TMEM8B: variants seen among roughly 807,000 people sequenced by gnomAD.
TMEM8B encodes the protein transmembrane protein 8B.
A neutral mutation model predicts 49.3 loss-of-function variants in TMEM8B; 29 were observed. That is an observed-to-expected ratio of 0.59 (90% confidence interval 0.44 to 0.80). The LOEUF (loss-of-function observed/expected upper bound fraction) is 0.80, where lower values mean the gene tolerates loss of function less well. Among genes scored for constraint, TMEM8B ranks in the 30% least tolerant of loss-of-function variants. The pLI is 0.00. For synonymous variants in TMEM8B, 264 were observed against 272.8 expected (o/e 0.97, Z 0.32); for missense variants, 575 against 658.5 (o/e 0.87, Z 1.39).
Position 35,842,754 on chromosome 9 carries a change from G to A in TMEM8B, c.1635+37G>A. On this transcript the variant is annotated intron_variant, in intron 6 of 12. Transcript: ENST00000643932. The surrounding 1 kb of genome is among the most constrained non-coding windows in gnomAD (Gnocchi z 5.6). ...GGAGAGTGGGGAGGTTGCTCTGCCA[G>A]GGAGCTTGAAGGGGAAGGTGTCAGG... 6.4e-7 allele frequency: 1 copy of A among 1,568,922 alleles called. No homozygotes were observed. The highest frequency in any genetic ancestry group is 8.7e-7 in the Non-Finnish European group (1 of 1,154,772).
intron 10 of TMEM8B, among the ~76,000 whole-genome samples, chr9:35,847,816 T>C (rs1046483886): frequency 1.3e-5 from 2 of 152,218 alleles, no homozygotes; most frequent in African/African-American, 4.8e-5. Flanking sequence ...AAGTTCATTA[T>C]AAGCAAGCGT....
chr9:35,848,052 G>A (rs142911558), intron 10 of TMEM8B, among the ~76,000 whole-genome samples: 1 of 152,266 alleles, frequency 6.6e-6, no homozygotes, highest in Non-Finnish European at 1.5e-5. Context: ...GGCCTTCCTG[G>A]CATCCTGCAT....
intron 6 of TMEM8B, chr9:35,845,262 C>A: frequency 2.6e-6 from 1 of 378,906 alleles, no homozygotes. Context: ...AAGGCAGTAT[C>A]AAATATATGG....
Position 35,857,042 on chromosome 9 carries a change from G to T in TMEM8B, c.*3202G>T, listed in dbSNP as rs1388412018. On this transcript the variant is annotated 3_prime_UTR_variant, in exon 13 of 13. Coordinates refer to ENST00000643932, the MANE Select transcript of TMEM8B (RefSeq NM_001042590.4). ...CCTTCCTTGCCTTGAATACAGGGCT[G>T]TGGCTGGCAGATATTGCTGTACCCT... 1 of 152,290 alleles carries T rather than the reference G, an allele frequency of 6.6e-6. No individual in the cohort carries two copies. Among genetic ancestry groups the T allele is most frequent in the Non-Finnish European group, 1.5e-5 (1 of 68,064 alleles). 9.4% of individuals were successfully genotyped at this position (152,290 alleles called of 1,614,324 possible). A position where few individuals can be genotyped will look rare whatever the true frequency, so the allele number is the denominator to read the frequency against.
Position 35,829,871 on chromosome 9 carries a change from TCC to T in TMEM8B, c.426_427del (p.Gln143AlafsTer2). ...VPPISHTLPL[S>X]QPRLKSGFQL... Reference sequence around the variant, plus strand: ...CCCTATCTCTCATACTCTGCCCCTCTCCCAGCCTAGACTCAAGTCTGGGTTTC... The same window carrying T: ...CCCTATCTCTCATACTCTGCCCCTCTCAGCCTAGACTCAAGTCTGGGTTTC... On this transcript the variant is annotated frameshift_variant, in exon 1 of 13. Transcript: ENST00000643932. LOFTEE classifies it high-confidence loss of function. 1 of 416,234 alleles carries T rather than the reference TCC, an allele frequency of 2.4e-6. No individual in the cohort carries two copies. Among genetic ancestry groups the T allele is most frequent in the Non-Finnish European group, 4.4e-6 (1 of 226,760 alleles). The allele number at this position is 416,234 out of a possible 1,614,324, so 25.8% of individuals were successfully genotyped here.
chr9:35,832,074 A>C (rs1829954839), intron 1 of TMEM8B, among the ~76,000 whole-genome samples: 1 of 152,074 alleles, frequency 6.6e-6, no homozygotes, highest in Non-Finnish European at 1.5e-5. Flanking sequence ...TTGAGGACTC[A>C]CACGTGCCTT....
chr9:35,834,110 G>A (rs1014138981), intron 1 of TMEM8B, among the ~76,000 whole-genome samples: 1 of 151,500 alleles, frequency 6.6e-6, no homozygotes, highest in African/African-American at 2.4e-5. Context: ...GGTAAGTGGA[G>A]AAAATGGCTC....
rs374577537 is a variant in TMEM8B at position 35,846,545 on chromosome 9, C to A, written c.1930C>A (p.Pro644Thr). 1.9e-6 allele frequency: 3 copies of A among 1,578,720 alleles called. No individual in the cohort carries two copies. Among genetic ancestry groups the A allele is most frequent in the Non-Finnish European group, 1.7e-6 (2 of 1,162,310 alleles). The stretch of plus-strand genomic sequence containing the variant: ...GTCCCCATGCGTGGACGACTGCGGG[C>A]CCTACGGCCAGTGCAAGCTGCTGCG... ...FLSPCVDDCG[P>T]YGQCKLLRTH... The change falls in exon 9 of 13, where the codon CCC becomes ACC. Residue 644 changes from proline to threonine, a missense_variant. Transcript: ENST00000643932.
At chr9:35,850,137 A>C (rs1214935908) in intron 10 of TMEM8B, among the ~76,000 whole-genome samples, 1 of 152,238 alleles carries the variant, frequency 6.6e-6, no homozygotes, top group Non-Finnish European at 1.5e-5. Context: ...GTTCCATTAT[A>C]TTCCAATCTG....
At chr9:35,844,981 T>C (rs1199189536) in intron 6 of TMEM8B, among the ~76,000 whole-genome samples, 2 of 152,250 alleles carry the variant, frequency 1.3e-5, no homozygotes, top group Non-Finnish European at 2.9e-5. Context: ...ACTTTTTTCT[T>C]TGGCTCCCTC....
Position 35,864,023 on chromosome 9 carries a change from C to CT in TMEM8B, c.*10183_*10184insT, listed in dbSNP as rs1832692405. 1 of 152,252 alleles carries CT rather than the reference C, an allele frequency of 6.6e-6. No individual in the cohort carries two copies. Among genetic ancestry groups the CT allele is most frequent in the Non-Finnish European group, 1.5e-5 (1 of 68,076 alleles). 9.4% of individuals were successfully genotyped at this position (152,252 alleles called of 1,614,324 possible). On this transcript the variant is annotated 3_prime_UTR_variant, in exon 13 of 13. Coordinates refer to ENST00000643932, the MANE Select transcript of TMEM8B (RefSeq NM_001042590.4). ...GAAAATAGCTGCCTGGTTTCACTCC[C>CT]CGGTTTTACGCCTCTTGAGAAGCAG...
In TMEM8B at chr9:35,846,336, G is replaced by C; in HGVS notation, c.1808G>C (p.Gly603Ala). 1 of 1,614,186 alleles carries C rather than the reference G, an allele frequency of 6.2e-7. No individual in the cohort carries two copies. The highest frequency in any genetic ancestry group is 8.5e-7 in the Non-Finnish European group (1 of 1,180,044). ...CTGCGAATCCCATTCCCGCAGACGGGGACCTGGTTCCTGGCCCTCCGCTCC... is the reference window on the plus strand; with the variant it reads ...CTGCGAATCCCATTCCCGCAGACGGCGACCTGGTTCCTGGCCCTCCGCTCC... ...ARLRIPFPQT[G>A]TWFLALRSLC... Residue 603 changes from glycine to alanine, a missense_variant, in exon 8 of 13, where the codon GGG (glycine) becomes GCG (alanine). Gly to Ala is a moderately conservative substitution (Grantham distance 60, BLOSUM62 0). Coordinates refer to ENST00000643932, the MANE Select transcript of TMEM8B (RefSeq NM_001042590.4).
chr9:35,830,106 G>A (rs1829705001), intron 1 of TMEM8B, among the ~76,000 whole-genome samples, 151 bp downstream of exon 1: 2 of 152,218 alleles, frequency 1.3e-5, no homozygotes, highest in South Asian at 4.1e-4. Context: ...TACACAACAG[G>A]GATTGGCAGG....
intron 3 of TMEM8B, among the ~76,000 whole-genome samples, chr9:35,835,816 C>G (rs74742851): frequency 0.022 from 3,397 of 152,316 alleles, 136 homozygotes; most frequent in African/African-American, 0.078. Context: ...TCAGCCACCC[C>G]AAGCACTTAT....
chr9:35,847,095 G>C (rs761938854), intron 10 of TMEM8B, 100 bp downstream of exon 10: 5 of 1,614,256 alleles, frequency 3.1e-6, no homozygotes, highest in Non-Finnish European at 4.2e-6. Context: ...GGGAATGTCT[G>C]TGCCTTCACT....
intron 1 of TMEM8B, among the ~76,000 whole-genome samples, chr9:35,832,233 G>A (rs565630853): frequency 3.4e-4 from 52 of 151,044 alleles, no homozygotes; most frequent in Non-Finnish European, 6.6e-4. Context: ...GGTGATGGTC[G>A]GAATTACCCT....
chr9:35,838,393 C>G (rs1248376826), intron 3 of TMEM8B, among the ~76,000 whole-genome samples: 1 of 151,932 alleles, frequency 6.6e-6, no homozygotes. Context: ...TTCCCACTGC[C>G]CACTCCTCTG....
rs950987543 is a variant in TMEM8B, at chr9:35,855,343, C to T, written c.*1503C>T. ...CATCCTCTCCTCCTCTCTCTTCTTT[C>T]CCCCTTTCGTTAATATTGGAGGTGA... On this transcript the variant is annotated 3_prime_UTR_variant, in exon 13 of 13. Coordinates refer to ENST00000643932, the MANE Select transcript of TMEM8B (RefSeq NM_001042590.4). 6.6e-6 allele frequency: 1 copy of T among 152,174 alleles called. No individual in the cohort carries two copies. The highest frequency in any genetic ancestry group is 1.5e-5 in the Non-Finnish European group (1 of 68,062). The allele number at this position is 152,174 out of a possible 1,614,324, so 9.4% of individuals were successfully genotyped here.
At chr9:35,849,005 G>A (rs941818411) in intron 10 of TMEM8B, among the ~76,000 whole-genome samples, 1 of 152,088 alleles carries the variant, frequency 6.6e-6, no homozygotes, top group East Asian at 1.9e-4. Flanking sequence ...AAGGCAATAA[G>A]GAAAAGCTAC....
Sources: gnomAD v4.1 joint callset for allele counts (sites outside exome capture counted in the v4.1 genomes callset) on GRCh38, gnomAD v4.1.1 for gene constraint, Gnocchi (gnomAD v3.1) non-coding constraint, MANE v1.5 for transcripts, NCBI Gene and HGNC (gene_info 2026-07-23, HGNC 2026-07-21) for gene names.